The following GNA12 variants were observed in gnomAD, a reference collection of about 807,000 sequenced individuals.
GNA12 encodes the protein guanine nucleotide-binding protein subunit alpha-12.
Under a neutral mutation model 26.0 loss-of-function variants are expected in GNA12, and 9 were observed. The observed-to-expected ratio is 0.35, with a 90% CI of 0.21 to 0.60. The LOEUF is 0.60. Ranked by LOEUF, GNA12 falls within the 20% of genes least tolerant of loss-of-function variation. The probability of loss-of-function intolerance (pLI) is 0.78; values close to 1 mark genes in which losing one functional copy is unlikely to be tolerated. For synonymous variants in GNA12, 264 were observed against 219.6 expected (o/e 1.20, Z -1.79); for missense variants, 405 against 525.8 (o/e 0.77, Z 2.25).
intron 2 of GNA12, among the ~76,000 whole-genome samples, chr7:2,790,635 C>G (rs1792493532): frequency 1.3e-5 from 2 of 152,138 alleles, no homozygotes; most frequent in African/African-American, 2.4e-5. Flanking sequence ...ACTGATATAT[C>G]TATATCATAC....
Position 2,815,017 on chromosome 7 carries a change from CA to C in GNA12, c.310-19875del. On this transcript the variant is annotated intron_variant, in intron 1 of 3. Coordinates refer to ENST00000275364, the MANE Select transcript of GNA12 (RefSeq NM_007353.3). ...TATCCAGGTCTAATCTCGCCCCTTC[CA>C]CCCAATCCAGTCCCCTGTCAAAGCC... 2.0e-6 allele frequency: 3 copies of C among 1,523,816 alleles called. No homozygotes were observed. The East Asian group carries it at 7.4e-5, about 38-fold the overall frequency. 94.4% of individuals were successfully genotyped at this position (1,523,816 alleles called of 1,614,324 possible). A position where few individuals can be genotyped will look rare whatever the true frequency, so the allele number is the denominator to read the frequency against.
At chr7:2,794,605 G>C (rs1288615567) in intron 2 of GNA12, 1 of 317,252 alleles carries the variant, frequency 3.2e-6, no homozygotes, top group African/African-American at 2.2e-5. Context: ...GTTGTGGGGG[G>C]TGTTATTTCC....
Position 2,792,940 on chromosome 7 carries a change from G to A in GNA12, c.525+1988C>T, listed in dbSNP as rs184982756. Among the ~76,000 whole-genome samples, 147 of 152,302 alleles carry A rather than the reference G, an allele frequency of 9.7e-4. 1 individual carries two copies. Among genetic ancestry groups the A allele is most frequent in the African/African-American group, 3.3e-3 (138 of 41,552 alleles). On this transcript the variant is annotated intron_variant, in intron 2 of 3. Coordinates refer to ENST00000275364, the MANE Select transcript of GNA12 (RefSeq NM_007353.3). ...ACACAGAGAAAATACTGACTTCCCA[G>A]TGGAGAAAGGTGGCCAACAGTGCCT... is the stretch of plus-strand genomic sequence containing the variant.
At chr7:2,757,979 C>T (rs1220298689) in intron 2 of GNA12, among the ~76,000 whole-genome samples, 1 of 152,184 alleles carries the variant, frequency 6.6e-6, no homozygotes, top group Non-Finnish European at 1.5e-5. Flanking sequence ...GCAAATGTAG[C>T]TGCCTGGTTA....
intron 1 of GNA12, among the ~76,000 whole-genome samples, chr7:2,843,226 G>A (rs1779051631): frequency 6.6e-6 from 1 of 152,204 alleles, no homozygotes; most frequent in Admixed American, 6.5e-5. Flanking sequence ...ATCTTCCAGT[G>A]GGAAATGGAC....
intron 2 of GNA12, among the ~76,000 whole-genome samples, chr7:2,737,434 G>T (rs150183093): frequency 6.6e-6 from 1 of 151,798 alleles, no homozygotes; most frequent in Non-Finnish European, 1.5e-5. Context: ...GACTACAGGC[G>T]TGCACTACCA....
At chr7:2,832,812 G>A (rs1182184) in intron 1 of GNA12, among the ~76,000 whole-genome samples, 37,446 of 152,090 alleles carry the variant, frequency 0.25, 5,142 homozygotes, top group Non-Finnish European at 0.29. Context: ...CGTCCAGAGC[G>A]GCTGGATGTG....
chr7:2,776,552 G>A (rs907561349), intron 2 of GNA12, among the ~76,000 whole-genome samples: 1 of 152,222 alleles, frequency 6.6e-6, no homozygotes, highest in African/African-American at 2.4e-5. Context: ...GTCCCCATTC[G>A]ATGTTCCTGT....
At chr7:2,824,449 C>T (rs112377400) in intron 1 of GNA12, among the ~76,000 whole-genome samples, 23 of 152,176 alleles carry the variant, frequency 1.5e-4, no homozygotes, top group African/African-American at 4.1e-4. Flanking sequence ...CCTCTGCAGG[C>T]GGCTCCCTGC....
At chr7:2,825,017 T>A (rs1342904035) in intron 1 of GNA12, among the ~76,000 whole-genome samples, 3 of 152,220 alleles carry the variant, frequency 2.0e-5, no homozygotes, top group Non-Finnish European at 4.4e-5. Context: ...GACAGACACC[T>A]GGCTTGCCTC....
In GNA12 at chr7:2,749,367, T is replaced by C. The variant is rs574101256; in HGVS notation, c.526-15866A>G. Among the ~76,000 whole-genome samples the C allele has an allele frequency of 5.1e-4, 78 of 152,216 alleles. 1 individual carries two copies. The highest frequency in any genetic ancestry group is 1.8e-3 in the African/African-American group (73 of 41,508). On this transcript the variant is annotated intron_variant, in intron 2 of 3. Transcript: ENST00000275364. ...TGAGTTCTTGTCCTTTGTAGGGACA[T>C]GGATGAAACTAGAAACCATCATTGT...
At chr7:2,766,827 T>C (rs1364740469) in intron 2 of GNA12, among the ~76,000 whole-genome samples, 2 of 152,240 alleles carry the variant, frequency 1.3e-5, no homozygotes, top group Non-Finnish European at 2.9e-5. Flanking sequence ...TCCTACTATA[T>C]GGCTGTGCCA....
At chr7:2,814,324 G>T in intron 1 of GNA12, 3 of 1,573,380 alleles carry the variant, frequency 1.9e-6, no homozygotes, top group African/African-American at 1.3e-5. Flanking sequence ...TGGACCCAGG[G>T]TGTGCAATGA....
chr7:2,820,317 A>G (rs1793321086), intron 1 of GNA12, among the ~76,000 whole-genome samples: 2 of 151,904 alleles, frequency 1.3e-5, no homozygotes, highest in Non-Finnish European at 2.9e-5. Context: ...ATGGCTGCAC[A>G]GCTCTGTAAA....
At chr7:2,819,756 G>A (rs1224864393) in intron 1 of GNA12, among the ~76,000 whole-genome samples, 2 of 152,200 alleles carry the variant, frequency 1.3e-5, no homozygotes, top group South Asian at 4.1e-4. Flanking sequence ...CACAAGCACG[G>A]TTAGACCCCA....
At chr7:2,797,408 C>T (rs1792704150) in intron 1 of GNA12, among the ~76,000 whole-genome samples, 1 of 151,840 alleles carries the variant, frequency 6.6e-6, no homozygotes, top group Non-Finnish European at 1.5e-5. Context: ...CCTTCCAAAG[C>T]ACTAGGAATT....
intron 1 of GNA12, among the ~76,000 whole-genome samples, chr7:2,841,794 G>A (rs771422632): frequency 3.9e-5 from 6 of 152,154 alleles, no homozygotes; most frequent in Non-Finnish European, 8.8e-5. Flanking sequence ...ATGGGTAAGT[G>A]ATACAAATGT....
intron 2 of GNA12, among the ~76,000 whole-genome samples, chr7:2,754,159 G>C (rs1381288434): frequency 2.6e-5 from 4 of 152,144 alleles, no homozygotes; most frequent in Non-Finnish European, 5.9e-5. Context: ...TATTGTATCT[G>C]TGTTAATAGG....
At chr7:2,758,247 CG>C (rs1399846731) in intron 2 of GNA12, among the ~76,000 whole-genome samples, 1 of 152,188 alleles carries the variant, frequency 6.6e-6, no homozygotes, top group Non-Finnish European at 1.5e-5. Context: ...GCTTTAGGGC[CG>C]GGTGCAGTGG....
Sources: gnomAD v4.1 joint callset for allele counts (sites outside exome capture counted in the v4.1 genomes callset) on GRCh38, gnomAD v4.1.1 for gene constraint, MANE v1.5 for transcripts, NCBI Gene and HGNC (gene_info 2026-07-23, HGNC 2026-07-21) for gene names.